Variants in ABCC8 observed in about 807,000 individuals in gnomAD.
ABCC8 encodes ATP-binding cassette sub-family C member 8.
Under a neutral mutation model 188.0 loss-of-function variants are expected in ABCC8, and 137 were observed. That is an observed-to-expected ratio of 0.73 (90% CI 0.63 to 0.84). The LOEUF is 0.84. Ranked by LOEUF, ABCC8 falls within the 40% of genes least tolerant of loss-of-function variation. The pLI, the probability that ABCC8 is intolerant of heterozygous loss-of-function variation, is 0.00. For missense variants in ABCC8, 1,750 were observed against 2,072.7 expected, an observed-to-expected ratio of 0.84 and a Z score of 3.02; for synonymous variants, 797 against 846.5, an observed-to-expected ratio of 0.94 and a Z score of 1.01.
intron 16 of ABCC8, among the ~76,000 whole-genome samples, chr11:17,420,651 C>T (rs1424444998): frequency 6.6e-6 from 1 of 152,218 alleles, no homozygotes; most frequent in Non-Finnish European, 1.5e-5. Context: ...AACAGCATTG[C>T]AGCAGGGAGC....
At chr11:17,401,585 G>C (rs1456751615) in intron 29 of ABCC8, among the ~76,000 whole-genome samples, 1 of 152,168 alleles carries the variant, frequency 6.6e-6, no homozygotes, top group African/African-American at 2.4e-5. Context: ...TGGACACAGT[G>C]CTTGGTGTCT....
rs759387498 is a variant in ABCC8, at chr11:17,474,883, C to T, written c.290+3G>A. ...TTTCCTGAGTCCTCAGACAGTCACT[C>T]ACCCATCAGACAGGATGCCCTCTGC... On this transcript the variant is annotated splice_donor_region_variant and intron_variant, in intron 2 of 38. Coordinates refer to ENST00000389817, the MANE Select transcript of ABCC8 (RefSeq NM_000352.6). The T allele has an allele frequency of 1.1e-5, 17 of 1,614,042 alleles. No individual in the cohort carries two copies. The highest frequency in any genetic ancestry group is 1.4e-5 in the Non-Finnish European group (16 of 1,180,000).
chr11:17,456,807 T>C (rs1957012605), intron 6 of ABCC8, among the ~76,000 whole-genome samples: 1 of 152,188 alleles, frequency 6.6e-6, no homozygotes, highest in Non-Finnish European at 1.5e-5. Context: ...AATGTAACAG[T>C]GCATGTGAAA....
chr11:17,465,032 C>T (rs567212884), intron 3 of ABCC8, among the ~76,000 whole-genome samples: 160 of 152,328 alleles, frequency 1.1e-3, no homozygotes, highest in South Asian at 2.5e-3. Context: ...CACCATGCGC[C>T]CAGGGCTGAG....
At chr11:17,402,864 C>G in intron 28 of ABCC8, 111 bp from the exon 29 acceptor site, 1 of 1,344,006 alleles carries the variant, frequency 7.4e-7, no homozygotes, top group Non-Finnish European at 1.1e-6. Context: ...CCTTACCTCT[C>G]TAGGCCTCAG....
chr11:17,424,204 C>T (rs1478614125), intron 16 of ABCC8, among the ~76,000 whole-genome samples: 1 of 133,174 alleles, frequency 7.5e-6, no homozygotes, highest in Admixed American at 8.2e-5. Flanking sequence ...AGGACAAATA[C>T]CTAATACATG....
intron 37 of ABCC8, among the ~76,000 whole-genome samples, 173 bp downstream of exon 37, chr11:17,394,093 T>A (rs1953775266): frequency 6.6e-6 from 1 of 152,120 alleles, no homozygotes; most frequent in Non-Finnish European, 1.5e-5. Flanking sequence ...TGTGTAACAT[T>A]CCCTAAGACT....
rs371908930 is a variant in ABCC8, at chr11:17,458,201, G to T, written c.1011+2287C>A. 2.1e-3 allele frequency among the ~76,000 whole-genome samples: 323 copies of T among 152,280 alleles called. 13 individuals are homozygous for T. In the South Asian group the frequency reaches 0.061, roughly 29 times the overall value. On this transcript the variant is annotated intron_variant, in intron 6 of 38. Transcript: ENST00000389817. ...GAAATTTTCTGATTGTGTTTGGGCT[G>T]CAGGGAAAAAATATTAAATCTGATA... is the stretch of plus-strand genomic sequence containing the variant.
At chr11:17,424,469 G>T (rs1955494487) in intron 16 of ABCC8, among the ~76,000 whole-genome samples, 1 of 152,190 alleles carries the variant, frequency 6.6e-6, no homozygotes, top group Non-Finnish European at 1.5e-5. Context: ...AGAAGAGGTG[G>T]GGACTGAGGC....
At chr11:17,417,729 A>G (rs896777457) in intron 16 of ABCC8, among the ~76,000 whole-genome samples, 5 of 152,224 alleles carry the variant, frequency 3.3e-5, no homozygotes, top group South Asian at 2.1e-4. Context: ...GAACTTTTAT[A>G]AGCACCATAG....
At chr11:17,469,056 T>TCCCCCCCTC (rs113636074) in intron 3 of ABCC8, among the ~76,000 whole-genome samples, 2 of 133,938 alleles carry the variant, frequency 1.5e-5, no homozygotes, top group African/African-American at 6.0e-5. Context: ...TCTCCCTCCC[T>TCCCCCCCTC]CCTCCCTCCC....
intron 19 of ABCC8, among the ~76,000 whole-genome samples, chr11:17,413,775 G>A (rs941537453): frequency 1.2e-4 from 19 of 152,196 alleles, no homozygotes; most frequent in African/African-American, 4.6e-4. Flanking sequence ...AGCTGCAGCC[G>A]GAACCCGTGC....
chr11:17,394,135 AT>A (rs1254787326), intron 37 of ABCC8, 130 bp downstream of exon 37: 8 of 1,267,732 alleles, frequency 6.3e-6, no homozygotes, highest in Non-Finnish European at 9.1e-6. Context: ...AGCTCTTTTC[AT>A]TTTCTGCAAC....
intron 3 of ABCC8, among the ~76,000 whole-genome samples, chr11:17,465,194 A>G (rs1290395328): frequency 6.6e-6 from 1 of 152,192 alleles, no homozygotes; most frequent in Non-Finnish European, 1.5e-5. Flanking sequence ...GGAATTCCAC[A>G]GCTGAAGGCT....
chr11:17,471,605 G>A lies in ABCC8; in HGVS notation c.291-1383C>T, dbSNP rs115019184. On this transcript the variant is annotated intron_variant, in intron 2 of 38. Coordinates refer to ENST00000389817, the MANE Select transcript of ABCC8 (RefSeq NM_000352.6). ...TACTCCTTTGCCAGTGTTGGTCCAC[G>A]TATTCTGGCCAGTGAGATGTCAAAG... Among the ~76,000 whole-genome samples the A allele has an allele frequency of 9.6e-3, 1,465 of 152,336 alleles. 19 individuals carry two copies. The highest frequency in any genetic ancestry group is 0.032 in the African/African-American group (1,349 of 41,562).
At chr11:17,398,820 C>G (rs1260353056) in intron 29 of ABCC8, among the ~76,000 whole-genome samples, 1 of 152,148 alleles carries the variant, frequency 6.6e-6, no homozygotes, top group Non-Finnish European at 1.5e-5. Flanking sequence ...CCCCCTCTAT[C>G]CTGCTTCCTG....
chr11:17,440,527 A>G (rs1257443217), intron 10 of ABCC8, among the ~76,000 whole-genome samples: 1 of 152,174 alleles, frequency 6.6e-6, no homozygotes, highest in Non-Finnish European at 1.5e-5. Flanking sequence ...CCACAGGGTC[A>G]GGGATGAGGA....
intron 33 of ABCC8, 65 bp downstream of exon 33, chr11:17,396,851 T>C (rs1374722844): frequency 1.3e-6 from 2 of 1,596,064 alleles, no homozygotes; most frequent in Non-Finnish European, 1.7e-6. Flanking sequence ...GCCATCCAGC[T>C]CCGTGCATGC....
At chr11:17,472,350 A>C (rs1285187508) in intron 2 of ABCC8, among the ~76,000 whole-genome samples, 2 of 152,242 alleles carry the variant, frequency 1.3e-5, no homozygotes, top group Non-Finnish European at 2.9e-5. Flanking sequence ...TCACTAACTT[A>C]TACTGTTTTG....
Sources: allele counts gnomAD v4.1 joint callset (sites outside exome capture counted in the v4.1 genomes callset), GRCh38; gene constraint gnomAD v4.1.1; transcripts MANE v1.5; gene names NCBI Gene and HGNC (gene_info 2026-07-23, HGNC 2026-07-21).